SLC61A1: variants seen among roughly 807,000 people sequenced by gnomAD.
The protein encoded by SLC61A1 is solute carrier family 61 member 1.
chr12:53,251,824 G>A, the SLC61A1 span: 1 of 1,537,272 alleles, frequency 6.5e-7, no homozygotes, highest in South Asian at 1.2e-5. Context: ...TCCAACCCTT[G>A]GCTCTACCGG....
chr12:53,251,981 C>T, the SLC61A1 span: 8 of 1,536,606 alleles, frequency 5.2e-6, no homozygotes, highest in Non-Finnish European at 7.0e-6. Context: ...CAACCGCAGC[C>T]TCCTATGGTC....
chr12:53,253,418 T>C, the SLC61A1 span: 1 of 1,614,164 alleles, frequency 6.2e-7, no homozygotes, highest in Non-Finnish European at 8.5e-7. Flanking sequence ...TGTAGCCAGC[T>C]GGATAGGGCT....
At chr12:53,251,332 C>A in the SLC61A1 span, 1 of 180,144 alleles carries the variant, frequency 5.6e-6, no homozygotes, top group South Asian at 1.1e-4. Context: ...GGTCAGAGGA[C>A]AGAGGGTCTT....
At chr12:53,253,212 A>G in the SLC61A1 span, 7 of 1,614,188 alleles carry the variant, frequency 4.3e-6, no homozygotes, top group Non-Finnish European at 5.9e-6. Flanking sequence ...CTCTCTCAAG[A>G]CTACTTTGTG....
chr12:53,252,954 G>A, the SLC61A1 span: 4 of 1,614,168 alleles, frequency 2.5e-6, no homozygotes, highest in East Asian at 2.2e-5. Flanking sequence ...TCCTTCCTTC[G>A]GTTTCAACTG....
the SLC61A1 span, chr12:53,251,537 C>T: frequency 1.7e-6 from 1 of 590,472 alleles, no homozygotes; most frequent in Non-Finnish European, 2.9e-6. Context: ...TGAACTTTAG[C>T]CTTCTTTATT....
the SLC61A1 span, chr12:53,253,970 A>C: frequency 6.2e-7 from 1 of 1,614,124 alleles, no homozygotes. Flanking sequence ...TGGTGTACTC[A>C]ACTGGTTCCG....
At chr12:53,252,238 T>TCCGGGGCGTCCCCGCAGA in the SLC61A1 span, 7 of 1,408,338 alleles carry the variant, frequency 5.0e-6, no homozygotes, top group East Asian at 1.9e-4. Flanking sequence ...GCCGGACGTG[T>TCCGGGGCGTCCCCGCAGA]CCGGGGCGTC....
chr12:53,252,312 T>C, the SLC61A1 span: 8 of 1,374,456 alleles, frequency 5.8e-6, no homozygotes, highest in African/African-American at 9.2e-5. Context: ...GTGGCAGGGC[T>C]GGGCAGGGGC....
the SLC61A1 span, chr12:53,251,693 C>T: frequency 6.7e-7 from 1 of 1,499,114 alleles, no homozygotes; most frequent in Non-Finnish European, 8.9e-7. Flanking sequence ...TACACCACAC[C>T]GCCTCCCTCA....
At chr12:53,254,021 C>T in the SLC61A1 span, 8 of 1,614,104 alleles carry the variant, frequency 5.0e-6, no homozygotes, top group Admixed American at 1.3e-4. Flanking sequence ...GCTCCTTGTC[C>T]TCCATGACAG....
the SLC61A1 span, chr12:53,252,167 C>T: frequency 1.3e-5 from 19 of 1,430,538 alleles, no homozygotes; most frequent in East Asian, 5.2e-5. Context: ...GGGGCGGGAG[C>T]GCTGCTGGAA....
At chr12:53,251,768 A>G in the SLC61A1 span, 1 of 1,537,048 alleles carries the variant, frequency 6.5e-7, no homozygotes, top group African/African-American at 1.4e-5. Flanking sequence ...AGGCAAACCA[A>G]GGAGACCTTC....
At chr12:53,251,884 C>T in the SLC61A1 span, 2 of 1,537,196 alleles carry the variant, frequency 1.3e-6, no homozygotes, top group Non-Finnish European at 1.7e-6. Context: ...AAAATTGGCA[C>T]TTATTTCAGG....
the SLC61A1 span, chr12:53,251,454 TAA>T: frequency 2.2e-6 from 1 of 455,820 alleles, no homozygotes; most frequent in Non-Finnish European, 3.9e-6. Context: ...TTTTCCAAGG[TAA>T]AACAGCTTGT....
chr12:53,251,859 T>C, the SLC61A1 span: 1 of 1,537,304 alleles, frequency 6.5e-7, no homozygotes, highest in Non-Finnish European at 8.7e-7. Context: ...TCCCGAGCAC[T>C]GCACGGAAGA....
chr12:53,252,821 G>A, the SLC61A1 span: 5 of 1,613,124 alleles, frequency 3.1e-6, no homozygotes, highest in South Asian at 2.2e-5. Context: ...TTCCCAGGTC[G>A]TCCGGGGGCC....
the SLC61A1 span, chr12:53,252,463 G>C: frequency 7.7e-7 from 1 of 1,295,178 alleles, no homozygotes; most frequent in South Asian, 2.0e-5. Flanking sequence ...GCAAAAAGAG[G>C]CTCCGCAGCG....
chr12:53,254,234 C>A, the SLC61A1 span: 1 of 1,585,524 alleles, frequency 6.3e-7, no homozygotes, highest in Non-Finnish European at 8.6e-7. Flanking sequence ...TGAATTCCAG[C>A]TATCCGGGAT....
Sources: allele counts gnomAD v4.1 joint callset, GRCh38; gene constraint gnomAD v4.1.1; transcripts MANE v1.5; gene names NCBI Gene and HGNC (gene_info 2026-07-23, HGNC 2026-07-21).